Variants in TMBIM6 observed in about 807,000 individuals in gnomAD.
TMBIM6 encodes transmembrane BAX inhibitor motif containing 6.
In TMBIM6, 13 loss-of-function variants were observed where a neutral mutation model predicts 31.4. The observed-to-expected ratio is 0.41, with a 90% CI of 0.27 to 0.66. The LOEUF (loss-of-function observed/expected upper bound fraction) is 0.66. TMBIM6 is among the 30% of genes least tolerant of loss of function. The probability of loss-of-function intolerance (pLI) is 0.28; values close to 1 mark genes in which losing one functional copy is unlikely to be tolerated. For synonymous variants in TMBIM6, 85 were observed against 101.7 expected, an observed-to-expected ratio of 0.84 and a Z score of 0.99; for missense variants, 275 against 289.5, an observed-to-expected ratio of 0.95 and a Z score of 0.36.
intron 1 of TMBIM6, among the ~76,000 whole-genome samples, chr12:49,749,148 GTTTAT>G (rs1404753203): frequency 1.3e-5 from 2 of 152,136 alleles, no homozygotes; most frequent in African/African-American, 4.8e-5. Context: ...AACTTGGTAA[GTTTAT>G]TTTATCTGGC....
chr12:49,755,676 T>C lies in TMBIM6; in HGVS notation c.207T>C (p.Ile69=), dbSNP rs767361265. 8.1e-6 allele frequency: 13 copies of C among 1,614,192 alleles called. No individual in the cohort carries two copies. The South Asian group carries it at 1.3e-4, about 16-fold the overall frequency. The change falls in exon 4 of 10, where the codon ATT becomes ATC. Residue 69 remains isoleucine (I), a synonymous_variant. Transcript: ENST00000267115. ...CCTTGGGCTCCCTGATATTGATGAT[T>C]TGGCTGATGGCAACACCTCATAGCC... ...LSALGSLILM[I]WLMATPHSHE... is the part of the protein sequence containing the mutation.
intron 8 of TMBIM6, among the ~76,000 whole-genome samples, chr12:49,759,892 C>T (rs1945680838): frequency 6.6e-6 from 1 of 150,722 alleles, no homozygotes; most frequent in South Asian, 2.1e-4. Context: ...GCAGGCGGAT[C>T]ACGAGGTCAG....
At position 49,758,590 on chromosome 12, in the gene TMBIM6, C is replaced by T. The variant is rs1945652372; in HGVS notation, c.434-93C>T. 2.6e-6 allele frequency: 4 copies of T among 1,556,014 alleles called. No individual in the cohort carries two copies. In the South Asian group the frequency reaches 4.5e-5, roughly 17 times the overall value. ...TTGCGACTATTGAGTTGAGATTAAC[C>T]TTCATTCTGGGGGAAGTTAAGGAAT... On this transcript the variant is annotated intron_variant, in intron 6 of 9. Transcript: ENST00000267115.
intron 6 of TMBIM6, 73 bp from the exon 7 acceptor site, chr12:49,758,610 A>C: frequency 1.3e-6 from 2 of 1,577,294 alleles, no homozygotes; most frequent in Non-Finnish European, 1.7e-6. Flanking sequence ...GGGGAAGTTA[A>C]GGAATGGCTT....
Position 49,752,457 on chromosome 12 carries a change from T to C in TMBIM6, c.-30-7T>C, listed in dbSNP as rs754661191. 1.7e-5 allele frequency: 28 copies of C among 1,605,118 alleles called. No individual in the cohort carries two copies. The African/African-American group carries it at 2.9e-4, about 17-fold the overall frequency. On this transcript the variant is annotated splice_polypyrimidine_tract_variant and splice_region_variant and intron_variant, in intron 1 of 9. Coordinates refer to ENST00000267115, the MANE Select transcript of TMBIM6 (RefSeq NM_003217.3). ...CTTAATGACTCTAACCTTTCTTTAT[T>C]CTGCAGAGTGGAGACTGCTGCACGG...
intron 1 of TMBIM6, among the ~76,000 whole-genome samples, chr12:49,750,460 TAAAC>T: frequency 6.6e-6 from 1 of 152,334 alleles, no homozygotes; most frequent in East Asian, 1.9e-4. Context: ...TGGGAAACCT[TAAAC>T]AAAGACACTT....
At chr12:49,758,820 T>C (rs1315595326) in intron 7 of TMBIM6, 58 bp downstream of exon 7, 4 of 656,254 alleles carry the variant, frequency 6.1e-6, no homozygotes, top group Non-Finnish European at 8.7e-6. Context: ...TTTCTTTCCT[T>C]TTTTTTTTTT....
At chr12:49,758,931 C>A in intron 7 of TMBIM6, 169 bp downstream of exon 7, 1 of 679,244 alleles carries the variant, frequency 1.5e-6, no homozygotes, top group Non-Finnish European at 2.5e-6. Flanking sequence ...ACAGGCTGCA[C>A]AAGGTTGGGC....
intron 1 of TMBIM6, chr12:49,741,821 C>CG (rs1252300384): frequency 1.1e-4 from 41 of 368,842 alleles, no homozygotes; most frequent in African/African-American, 3.7e-4. Context: ...AGTGCTGAAG[C>CG]GGGGGTGGGG....
intron 1 of TMBIM6, among the ~76,000 whole-genome samples, chr12:49,751,550 C>T (rs1270115092): frequency 6.6e-6 from 1 of 151,974 alleles, no homozygotes; most frequent in African/African-American, 2.4e-5. Context: ...TGCATAAATT[C>T]CTTTTTTATG....
At chr12:49,741,966 C>T (rs1029338438) in intron 1 of TMBIM6, 41 of 974,218 alleles carry the variant, frequency 4.2e-5, no homozygotes, top group Non-Finnish European at 5.9e-5. Flanking sequence ...GACGCAGGGC[C>T]CCTTGGCCTA....
In TMBIM6 at chr12:49,741,854, T is replaced by C. The variant is rs992171957; in HGVS notation, c.-31+243T>C. The C allele has an allele frequency of 1.3e-4, 57 of 428,360 alleles. 1 individual carries two copies. The highest frequency in any genetic ancestry group is 6.4e-4 in the Middle Eastern group (1 of 1,572). The allele number at this position is 428,360 out of a possible 1,614,324, so 26.5% of individuals were successfully genotyped here. ...GGGCGGAGGCGAGTCTGCGGGGGTT[T>C]TGGGGGGTGTCGAGGCCTCTATTCT... On this transcript the variant is annotated intron_variant, in intron 1 of 9. Transcript: ENST00000267115.
Position 49,762,922 on chromosome 12 carries a change from A to G in TMBIM6, c.*26A>G, listed in dbSNP as rs541981821. The G allele has an allele frequency of 6.2e-7, 1 of 1,610,252 alleles. No individual in the cohort carries two copies. Among genetic ancestry groups the G allele is most frequent in the African/African-American group, 1.3e-5 (1 of 74,998 alleles). ...AGTGACCATCCAGCCTTTCCCAATT[A>G]GACTTCCTCTCCTTCCACCCCTCAT... On this transcript the variant is annotated 3_prime_UTR_variant, in exon 10 of 10. Transcript: ENST00000267115.
At chr12:49,748,102 C>T (rs1808401663) in intron 1 of TMBIM6, among the ~76,000 whole-genome samples, 2 of 152,090 alleles carry the variant, frequency 1.3e-5, no homozygotes, top group Admixed American at 1.3e-4. Flanking sequence ...CAGGGTTTCA[C>T]CATGTTGGCC....
chr12:49,753,028 A>G lies in TMBIM6; in HGVS notation c.112A>G (p.Met38Val), dbSNP rs144540561. The G allele has an allele frequency of 2.3e-4, 374 of 1,613,806 alleles. 1 individual carries two copies. The highest frequency in any genetic ancestry group is 2.9e-5 in the Non-Finnish European group (34 of 1,179,962). Reference sequence around the variant, plus strand: ...GGTCTATGCAAGTTTTGCCCTTTGTATGTTTGTGGCGGCTGCAGGGGCCTA... The same window carrying G: ...GGTCTATGCAAGTTTTGCCCTTTGTGTGTTTGTGGCGGCTGCAGGGGCCTA... The part of the protein sequence containing the change: ...KKVYASFALC[M>V]FVAAAGAYVH... Residue 38 changes from methionine (M) to valine (V), a missense_variant, in exon 3 of 10, where the codon ATG (methionine) becomes GTG (valine). Met to Val is a conservative substitution (Grantham distance 21). Coordinates refer to ENST00000267115, the MANE Select transcript of TMBIM6 (RefSeq NM_003217.3).
intron 1 of TMBIM6, among the ~76,000 whole-genome samples, chr12:49,746,454 C>T (rs953532650): frequency 2.0e-5 from 3 of 152,112 alleles, no homozygotes; most frequent in Non-Finnish European, 4.4e-5. Context: ...CCAGTAATAA[C>T]AATGGTTACC....
chr12:49,750,456 A>G (rs1945474662), intron 1 of TMBIM6, among the ~76,000 whole-genome samples: 1 of 152,120 alleles, frequency 6.6e-6, no homozygotes, highest in Non-Finnish European at 1.5e-5. Flanking sequence ...TTAATGGGAA[A>G]CCTTAAACAA....
At chr12:49,744,860 T>G (rs1191086237) in intron 1 of TMBIM6, among the ~76,000 whole-genome samples, 2 of 152,158 alleles carry the variant, frequency 1.3e-5, no homozygotes, top group Non-Finnish European at 2.9e-5. Flanking sequence ...GGAAGAAGAT[T>G]ATGTATTTAG....
At chr12:49,747,935 G>A (rs1021598462) in intron 1 of TMBIM6, among the ~76,000 whole-genome samples, 2 of 152,002 alleles carry the variant, frequency 1.3e-5, no homozygotes, top group East Asian at 1.9e-4. Context: ...ACGTAGTCTC[G>A]CACTGTCACC....
Sources: gnomAD v4.1 joint callset for allele counts (sites outside exome capture counted in the v4.1 genomes callset) on GRCh38, gnomAD v4.1.1 for gene constraint, MANE v1.5 for transcripts, NCBI Gene and HGNC (gene_info 2026-07-23, HGNC 2026-07-21) for gene names.